The following MAN1B1 variants were observed in gnomAD, a reference collection of about 807,000 sequenced individuals.
MAN1B1 encodes the protein mannosidase alpha class 1B member 1.
In MAN1B1, 66 loss-of-function variants were observed where a neutral mutation model predicts 75.5. The observed-to-expected ratio is 0.87, with a 90% CI of 0.72 to 1.07. MAN1B1 has a LOEUF of 1.07. Among genes scored for constraint, MAN1B1 ranks in the 50% least tolerant of loss-of-function variants. MAN1B1 has a pLI of 0.00. For missense variants in MAN1B1, 973 were observed against 912.5 expected (o/e 1.07, Z -0.85); for synonymous variants, 453 against 382.8 (o/e 1.18, Z -2.14).
At chr9:137,104,988 G>A (rs1303742064) in intron 8 of MAN1B1, 1 of 152,728 alleles carries the variant, frequency 6.5e-6, no homozygotes, top group Admixed American at 6.5e-5. Flanking sequence ...CTCCCGAGTA[G>A]CTGGGACCAC....
chr9:137,101,719 C>G (rs1167556198), intron 8 of MAN1B1, 47 bp downstream of exon 8: 4 of 1,578,906 alleles, frequency 2.5e-6, no homozygotes. Flanking sequence ...CTGGAGCTAC[C>G]TTTTGCTCAT....
In MAN1B1 at chr9:137,107,592, G is replaced by T; in HGVS notation, c.1826G>T (p.Arg609Leu). ...GTGGAGAGCCTGTTCTACCTGTACCGCGTCACAGGGGACCGCAAATACCAG... is the reference window on the plus strand; with the variant it reads ...GTGGAGAGCCTGTTCTACCTGTACCTCGTCACAGGGGACCGCAAATACCAG... ...ETVESLFYLY[R>L]VTGDRKYQDW... The change falls in exon 12 of 13, where the codon CGC becomes CTC. Residue 609 changes from arginine to leucine, a missense_variant. Physicochemically the swap from Arg to Leu is moderately radical, Grantham distance 102. Coordinates refer to ENST00000371589, the MANE Select transcript of MAN1B1 (RefSeq NM_016219.5). 6.2e-7 allele frequency: 1 copy of T among 1,612,134 alleles called. No individual in the cohort carries two copies. Among genetic ancestry groups the T allele is most frequent in the Non-Finnish European group, 8.5e-7 (1 of 1,179,978 alleles).
Position 137,107,402 on chromosome 9 carries a change from CT to C in MAN1B1, c.1721del (p.Phe574SerfsTer154). 1 of 1,613,488 alleles carries C rather than the reference CT, an allele frequency of 6.2e-7. No homozygotes were observed. Among genetic ancestry groups the C allele is most frequent in the Non-Finnish European group, 8.5e-7 (1 of 1,180,002 alleles). ...ETGLSPEIVH[F>X]NLYPQPGRRD... is the part of the protein sequence containing the mutation. ...CGGGGCTGAGTCCCGAGATCGTGCA[CT>C]TCAACCTTTACCCCCAGCCGGGCCG... On this transcript the variant is annotated frameshift_variant, in exon 11 of 13. Transcript: ENST00000371589. LOFTEE classifies it high-confidence loss of function.
In MAN1B1 at chr9:137,107,620, C is replaced by T. The variant is rs1469088147; in HGVS notation, c.1854C>T (p.Asp618=). The T allele has an allele frequency of 1.4e-5, 22 of 1,610,948 alleles. No homozygotes were observed. Among genetic ancestry groups the T allele is most frequent in the East Asian group, 4.5e-5 (2 of 44,894 alleles). The part of the protein sequence containing the change: ...YRVTGDRKYQ[D]WGWEILQSFS... ...TCACAGGGGACCGCAAATACCAGGA[C>T]TGGGGCTGGGAGATTCTGCAGAGCT... The change falls in exon 12 of 13, where the codon GAC becomes GAT. Residue 618 remains aspartate, a synonymous_variant. Transcript: ENST00000371589.
intron 8 of MAN1B1, chr9:137,105,846 TA>T (rs1831073078): frequency 1.6e-6 from 1 of 610,730 alleles, no homozygotes; most frequent in Non-Finnish European, 3.1e-6. Context: ...TCCCTTCGAG[TA>T]AGGGATGAGA....
rs770289022 is a variant in MAN1B1, at chr9:137,106,762, C to T, written c.1519C>T (p.Leu507Phe). 1.2e-6 allele frequency: 2 copies of T among 1,613,528 alleles called. No individual in the cohort carries two copies. Among genetic ancestry groups the T allele is most frequent in the South Asian group, 1.1e-5 (1 of 91,092 alleles). The change falls in exon 10 of 13, where the codon CTC becomes TTC. Residue 507 changes from leucine to phenylalanine, a missense_variant. Coordinates refer to ENST00000371589, the MANE Select transcript of MAN1B1 (RefSeq NM_016219.5). ...HLLRHSEPSK[L>F]TFVGELAHGR... is the part of the protein sequence containing the mutation. The stretch of plus-strand genomic sequence containing the variant: ...GCTGCGGCACTCCGAGCCCAGTAAG[C>T]TCACCTTTGTGGGGGAGCTTGCCCA...
Position 137,105,895 on chromosome 9 carries a change from C to T in MAN1B1, c.1255-230C>T, listed in dbSNP as rs59876726. The T allele has an allele frequency of 0.02, 13,464 of 676,086 alleles. 1,132 individuals are homozygous for T. Among genetic ancestry groups the T allele is most frequent in the African/African-American group, 0.19 (10,893 of 56,736 alleles). 41.9% of individuals were successfully genotyped at this position (676,086 alleles called of 1,614,324 possible). ...ATGGGTCAGCTCTGTGGTGACCACCCGTTGGGAGCAGTGACATTCAGGTGC... is the reference window on the plus strand; with the variant it reads ...ATGGGTCAGCTCTGTGGTGACCACCTGTTGGGAGCAGTGACATTCAGGTGC... On this transcript the variant is annotated intron_variant, in intron 8 of 12. Transcript: ENST00000371589.
Position 137,108,692 on chromosome 9 carries a change from G to A in MAN1B1, c.*101G>A, listed in dbSNP as rs1831207106. On this transcript the variant is annotated 3_prime_UTR_variant, in exon 13 of 13. Transcript: ENST00000371589. The stretch of plus-strand genomic sequence containing the variant: ...CACGTAGCACCGGCAACCGCCAAGT[G>A]GCCCAGGCTCTGAACTGGCTCTGGG... 3.5e-6 allele frequency: 4 copies of A among 1,129,926 alleles called. No homozygotes were observed. The highest frequency in any genetic ancestry group is 5.4e-6 in the Non-Finnish European group (4 of 746,804). The allele number at this position is 1,129,926 out of a possible 1,614,324, so 70.0% of individuals were successfully genotyped here.
chr9:137,104,758 G>A (rs1831034862), intron 8 of MAN1B1: 1 of 157,480 alleles, frequency 6.4e-6, no homozygotes, highest in Non-Finnish European at 1.4e-5. Context: ...GTGAGTGTGG[G>A]TGCACACACC....
Position 137,088,116 on chromosome 9 carries a change from C to T in MAN1B1, c.261C>T (p.Leu87=), listed in dbSNP as rs921119027. Residue 87 remains leucine (L), a synonymous_variant, in exon 2 of 13, where the codon CTC becomes CTT. Transcript: ENST00000371589. ...CGAGATTGCAGCGGAATATGATTCTCTTCCTCCTTGCCTTTCTGCTTTTCT... is the reference window on the plus strand; with the variant it reads ...CGAGATTGCAGCGGAATATGATTCTTTTCCTCCTTGCCTTTCTGCTTTTCT... The part of the protein sequence containing the change: ...QLSRLQRNMI[L]FLLAFLLFCG... 9 of 1,614,100 alleles carry T rather than the reference C, an allele frequency of 5.6e-6. No homozygotes were observed. Among genetic ancestry groups the T allele is most frequent in the Middle Eastern group, 1.6e-4 (1 of 6,084 alleles).
chr9:137,088,534 G>A, intron 2 of MAN1B1: 1 of 1,033,628 alleles, frequency 9.7e-7, no homozygotes, highest in Non-Finnish European at 1.4e-6. Context: ...GTTCTGGTGA[G>A]GATGTGGAGA....
chr9:137,092,282 A>G (rs1038740582), intron 3 of MAN1B1, among the ~76,000 whole-genome samples: 1 of 152,082 alleles, frequency 6.6e-6, no homozygotes, highest in Non-Finnish European at 1.5e-5. Context: ...CGCTTAAGCC[A>G]GGGAGGTTGA....
At chr9:137,105,470 T>C (rs1831060699) in intron 8 of MAN1B1, 1 of 194,414 alleles carries the variant, frequency 5.1e-6, no homozygotes, top group Non-Finnish European at 1.0e-5. Context: ...CTCTGGTTGC[T>C]GCCGGTACAC....
At chr9:137,101,712 G>A (rs913244487) in intron 8 of MAN1B1, 40 bp downstream of exon 8, 1 of 1,591,162 alleles carries the variant, frequency 6.3e-7, no homozygotes, top group Non-Finnish European at 8.6e-7. Context: ...GCCTCCCCTG[G>A]AGCTACCTTT....
rs374793603 is a variant in MAN1B1, at chr9:137,107,357, G to A, written c.1674G>A (p.Gln558=). 213 of 1,613,282 alleles carry A rather than the reference G, an allele frequency of 1.3e-4. No individual in the cohort carries two copies. Among genetic ancestry groups the A allele is most frequent in the Non-Finnish European group, 1.7e-4 (206 of 1,180,022 alleles). ...AGGAGCTCATGGAGACTTGTTACCAGATGAACCGGCAGATGGAGACGGGGC... is the reference window on the plus strand; with the variant it reads ...AGGAGCTCATGGAGACTTGTTACCAAATGAACCGGCAGATGGAGACGGGGC... ...LAQELMETCY[Q]MNRQMETGLS... Residue 558 remains glutamine (Q), a synonymous_variant, in exon 11 of 13, where the codon CAG becomes CAA. Coordinates refer to ENST00000371589, the MANE Select transcript of MAN1B1 (RefSeq NM_016219.5).
intron 8 of MAN1B1, chr9:137,104,042 C>T: frequency 2.2e-6 from 1 of 457,302 alleles, no homozygotes; most frequent in African/African-American, 2.0e-5. Flanking sequence ...AGTGGTGTTA[C>T]ACACATTCAT....
In MAN1B1 at chr9:137,107,325, C is replaced by T. The variant is rs777328239; in HGVS notation, c.1642C>T (p.Leu548=). ...YHGLPASHME[L]AQELMETCYQ... is the part of the protein sequence containing the mutation. Reference sequence around the variant, plus strand: ...CGGCCTGCCCGCCAGCCACATGGAGCTGGCCCAGGAGCTCATGGAGACTTG... The same window carrying T: ...CGGCCTGCCCGCCAGCCACATGGAGTTGGCCCAGGAGCTCATGGAGACTTG... Residue 548 remains leucine (L), a synonymous_variant, in exon 11 of 13, where the codon CTG becomes TTG. Transcript: ENST00000371589. The T allele has an allele frequency of 8.1e-6, 13 of 1,613,152 alleles. No individual in the cohort carries two copies. The highest frequency in any genetic ancestry group is 1.1e-5 in the Non-Finnish European group (13 of 1,180,010).
At chr9:137,107,966 G>T (rs1175652615) in intron 12 of MAN1B1, 19 of 628,718 alleles carry the variant, frequency 3.0e-5, no homozygotes, top group Non-Finnish European at 5.2e-5. Flanking sequence ...AGTTTAGGAG[G>T]CACACGCACC....
chr9:137,106,969 G>T lies in MAN1B1; in HGVS notation c.1566+160G>T, dbSNP rs550451111. On this transcript the variant is annotated intron_variant, in intron 10 of 12. Coordinates refer to ENST00000371589, the MANE Select transcript of MAN1B1 (RefSeq NM_016219.5). ...CTGGCCAGGCCTGTCTTGGCAACAG[G>T]GCAGTAAGGCCTTGTGTGGCACCTG... Among the ~76,000 whole-genome samples, 16 of 152,370 alleles carry T rather than the reference G, an allele frequency of 1.1e-4. No individual in the cohort carries two copies. The South Asian group carries it at 1.4e-3, about 14-fold the overall frequency.
Sources: gnomAD v4.1 joint callset for allele counts (sites outside exome capture counted in the v4.1 genomes callset) on GRCh38, gnomAD v4.1.1 for gene constraint, MANE v1.5 for transcripts, NCBI Gene and HGNC (gene_info 2026-07-23, HGNC 2026-07-21) for gene names.